DCHS2: variants seen among roughly 807,000 people sequenced by gnomAD.
The protein encoded by DCHS2 is dachsous cadherin-related 2, also known as protocadherin-23.
In DCHS2, 142 loss-of-function variants were observed where a neutral mutation model predicts 182.4. The observed-to-expected ratio is 0.78, with a 90% CI of 0.68 to 0.89. DCHS2 has a LOEUF of 0.89. Ranked by LOEUF, DCHS2 falls within the 40% of genes least tolerant of loss-of-function variation. DCHS2 has a pLI of 0.00. For missense variants in DCHS2, 4,319 were observed against 4,198.6 expected, an observed-to-expected ratio of 1.03 and a Z score of -0.79; for synonymous variants, 1,740 against 1,663.3, an observed-to-expected ratio of 1.05 and a Z score of -1.12.
At chr4:154,402,547 C>A (rs13142095) in intron 1 of DCHS2, among the ~76,000 whole-genome samples, 137,199 of 152,182 alleles carry the variant, frequency 0.9, 63,344 homozygotes, top group East Asian at 1. Flanking sequence ...GACTGGTATA[C>A]AGGAAGGAGG....
chr4:154,290,037 G>A (rs191870575), intron 13 of DCHS2, among the ~76,000 whole-genome samples: 270 of 152,128 alleles, frequency 1.8e-3, no homozygotes, highest in Admixed American at 3.1e-3. Flanking sequence ...CTTATATTTG[G>A]AAAAACCTAA....
At chr4:154,305,495 A>T (rs1735408484) in intron 10 of DCHS2, among the ~76,000 whole-genome samples, 1 of 152,172 alleles carries the variant, frequency 6.6e-6, no homozygotes, top group African/African-American at 2.4e-5. Flanking sequence ...CCCATAAAAA[A>T]TTTCTTATGA....
At position 154,396,802 on chromosome 4, in the gene DCHS2, T is replaced by C. The variant is rs145914952; in HGVS notation, c.2053-19358A>G. ...CATTTATTTGAATACAAAGGCCCAATGCAATTTTTACCACTCCCAAAACTC... is the reference window on the plus strand; with the variant it reads ...CATTTATTTGAATACAAAGGCCCAACGCAATTTTTACCACTCCCAAAACTC... On this transcript the variant is annotated intron_variant, in intron 1 of 19. Coordinates refer to ENST00000357232, the MANE Select transcript of DCHS2 (RefSeq NM_001358235.2). 7.9e-5 allele frequency among the ~76,000 whole-genome samples: 12 copies of C among 152,294 alleles called. No homozygotes were observed. In the East Asian group the frequency reaches 2.3e-3, roughly 29 times the overall value.
chr4:154,290,928 A>G (rs1485525744), intron 13 of DCHS2, among the ~76,000 whole-genome samples: 1 of 152,118 alleles, frequency 6.6e-6, no homozygotes, highest in Non-Finnish European at 1.5e-5. Flanking sequence ...CAAAGCAAAG[A>G]CAGAAAAATG....
chr4:154,415,006 G>A (rs1732777520), intron 1 of DCHS2, among the ~76,000 whole-genome samples: 1 of 152,172 alleles, frequency 6.6e-6, no homozygotes, highest in African/African-American at 2.4e-5. Context: ...GCTCATGTGG[G>A]TATGGCAAAA....
rs1560745715 is a variant in DCHS2 at position 154,417,192 on chromosome 4, TGTGTGTGTGTGTGAGAGA to T, written c.2053-39766_2053-39749del. On this transcript the variant is annotated intron_variant, in intron 1 of 19. Transcript: ENST00000357232. ...GTGTGTGTGTGTGTGTGTGTGTGTG[TGTGTGTGTGTGTGAGAGA>T]GAGAGAGAGAGAGAGAGAGAGAGAG... Among the ~76,000 whole-genome samples, 43 of 104,196 alleles carry T rather than the reference TGTGTGTGTGTGTGAGAGA, an allele frequency of 4.1e-4. No homozygotes were observed. The South Asian group carries it at 4.9e-3, about 12-fold the overall frequency. The allele number at this position is 104,196 out of a possible 152,430, so 68.4% of individuals were successfully genotyped here.
rs757836970 is a variant in DCHS2 at position 154,234,957 on chromosome 4, T to C, written c.9695A>G (p.Tyr3232Cys). Residue 3232 changes from tyrosine (Y) to cysteine (C), a missense_variant, in exon 20 of 20, where the codon TAT (tyrosine) becomes TGT (cysteine). Physicochemically the swap from Tyr to Cys is radical, Grantham distance 194 (BLOSUM62 -2). Transcript: ENST00000357232. ...CCAACTAAGAAGATAATTCCAGTGA[T>C]AGTTGTCTTTTCCATCATGATCAGA... is the stretch of plus-strand genomic sequence containing the variant. ...TTSDHDGKDN[Y>C]HWNYLLSWEP... is the part of the protein sequence containing the mutation. The C allele has an allele frequency of 3.7e-6, 6 of 1,614,090 alleles. No individual in the cohort carries two copies. The highest frequency in any genetic ancestry group is 2.2e-5 in the South Asian group (2 of 91,080).
intron 13 of DCHS2, among the ~76,000 whole-genome samples, chr4:154,280,548 G>A (rs963795747): frequency 6.6e-6 from 1 of 152,046 alleles, no homozygotes; most frequent in African/African-American, 2.4e-5. Context: ...GTTTGTCCCT[G>A]GGATGCAAGA....
chr4:154,400,549 C>G (rs527454128), intron 1 of DCHS2, among the ~76,000 whole-genome samples: 1 of 152,246 alleles, frequency 6.6e-6, no homozygotes, highest in East Asian at 1.9e-4. Flanking sequence ...ATACAACTAG[C>G]CTCGGTATAG....
intron 1 of DCHS2, among the ~76,000 whole-genome samples, chr4:154,378,520 A>AAGGAAGGAAAGAAG (rs1579025517): frequency 1.1e-4 from 7 of 64,108 alleles, no homozygotes; most frequent in African/African-American, 2.8e-4. Context: ...AAGGAAGGAA[A>AAGGAAGGAAAGAAG]GAAGGAAGGA....
At chr4:154,365,556 G>A (rs1229368281) in intron 3 of DCHS2, among the ~76,000 whole-genome samples, 4 of 151,554 alleles carry the variant, frequency 2.6e-5, no homozygotes, top group Admixed American at 2.6e-4. Flanking sequence ...ATATCTCACT[G>A]CAGCCTCAAA....
chr4:154,320,331 C>A (rs1561038730), intron 9 of DCHS2, 48 bp downstream of exon 9: 13 of 1,554,880 alleles, frequency 8.4e-6, no homozygotes, highest in Admixed American at 2.0e-5. Context: ...TGTTTTCTTA[C>A]CACAATAAAA....
chr4:154,393,810 C>T (rs189705592), intron 1 of DCHS2, among the ~76,000 whole-genome samples: 10 of 152,194 alleles, frequency 6.6e-5, no homozygotes, highest in African/African-American at 2.4e-4. Flanking sequence ...TACATTATGT[C>T]CTGATGGTGT....
chr4:154,239,704 T>C lies in DCHS2; in HGVS notation c.7360-402A>G, dbSNP rs1041024593. Reference sequence around the variant, plus strand: ...TTGTATTTTTAGTAGAGATGGGGTTTCACCACGTTGGCCAGGCTGGTCTTG... The same window carrying C: ...TTGTATTTTTAGTAGAGATGGGGTTCCACCACGTTGGCCAGGCTGGTCTTG... On this transcript the variant is annotated intron_variant, in intron 18 of 19. Transcript: ENST00000357232. 3.3e-5 allele frequency among the ~76,000 whole-genome samples: 5 copies of C among 152,280 alleles called. No homozygotes were observed. The East Asian group carries it at 9.6e-4, about 29-fold the overall frequency.
chr4:154,280,097 A>G (rs1734060233), intron 13 of DCHS2, among the ~76,000 whole-genome samples: 1 of 152,122 alleles, frequency 6.6e-6, no homozygotes, highest in Non-Finnish European at 1.5e-5. Context: ...TAATTTGAAC[A>G]ATTATACAGC....
At chr4:154,374,810 G>A (rs1363532813) in intron 2 of DCHS2, among the ~76,000 whole-genome samples, 1 of 152,096 alleles carries the variant, frequency 6.6e-6, no homozygotes, top group Non-Finnish European at 1.5e-5. Context: ...AAGAAACAAG[G>A]AAGGTCTTCA....
chr4:154,319,959 GGATA>G (rs1476738588), intron 9 of DCHS2, among the ~76,000 whole-genome samples: 2 of 147,816 alleles, frequency 1.4e-5, no homozygotes, highest in African/African-American at 4.8e-5. Flanking sequence ...GCAGATGAAT[GGATA>G]AAGAAAATGT....
intron 1 of DCHS2, among the ~76,000 whole-genome samples, chr4:154,397,511 T>G (rs1220799772): frequency 6.6e-6 from 1 of 152,202 alleles, no homozygotes; most frequent in Non-Finnish European, 1.5e-5. Context: ...ATACTTCTCA[T>G]GCTTCTTACC....
At chr4:154,357,009 C>A (rs1729903028) in intron 3 of DCHS2, among the ~76,000 whole-genome samples, 1 of 152,068 alleles carries the variant, frequency 6.6e-6, no homozygotes, top group Non-Finnish European at 1.5e-5. Flanking sequence ...TAAACTAAAT[C>A]TCTGAATCAT....
Sources: gnomAD v4.1 joint callset for allele counts (sites outside exome capture counted in the v4.1 genomes callset) on GRCh38, gnomAD v4.1.1 for gene constraint, MANE v1.5 for transcripts, NCBI Gene and HGNC (gene_info 2026-07-23, HGNC 2026-07-21) for gene names.